OSMR: variants seen among roughly 807,000 people sequenced by gnomAD.
OSMR encodes oncostatin M receptor.
Under a neutral mutation model 99.9 loss-of-function variants are expected in OSMR, and 81 were observed. The observed-to-expected ratio is 0.81, with a 90% CI of 0.68 to 0.97. OSMR has a LOEUF of 0.97. OSMR is among the 50% of genes least tolerant of loss of function. OSMR has a pLI of 0.00. For missense variants in OSMR, 1,099 were observed against 1,153.4 expected (o/e 0.95, Z 0.68); for synonymous variants, 406 against 410.4 (o/e 0.99, Z 0.13).
intron 9 of OSMR, among the ~76,000 whole-genome samples, chr5:38,913,290 CT>C (rs1334914744): frequency 6.6e-6 from 1 of 152,044 alleles, no homozygotes; most frequent in African/African-American, 2.4e-5. Context: ...TGGCTCATGC[CT>C]GTAATCCCAG....
At chr5:38,852,453 A>G (rs1436535774) in intron 1 of OSMR, among the ~76,000 whole-genome samples, 1 of 152,174 alleles carries the variant, frequency 6.6e-6, no homozygotes, top group East Asian at 1.9e-4. Context: ...ACTCTTACCA[A>G]TGTGAGGTAT....
chr5:38,923,350 C>T (rs375576593), intron 13 of OSMR, 96 bp downstream of exon 13: 1 of 782,224 alleles, frequency 1.3e-6, no homozygotes. Flanking sequence ...CAGCACCATA[C>T]CCAACTTTTG....
Position 38,886,197 on chromosome 5 carries a change from C to A in OSMR, c.991+7C>A. The A allele has an allele frequency of 6.2e-7, 1 of 1,614,024 alleles. No homozygotes were observed. Among genetic ancestry groups the A allele is most frequent in the Non-Finnish European group, 8.5e-7 (1 of 1,179,928 alleles). ...TTTAACCTGACTCATCGAGGTGAGA[C>A]TAGAGTTGTCACAGCCCACCGTGGC... is the stretch of plus-strand genomic sequence containing the variant. On this transcript the variant is annotated splice_region_variant and intron_variant, in intron 7 of 17. Coordinates refer to ENST00000274276, the MANE Select transcript of OSMR (RefSeq NM_003999.3).
intron 9 of OSMR, among the ~76,000 whole-genome samples, chr5:38,912,214 A>G (rs1745633402): frequency 6.6e-6 from 1 of 152,210 alleles, no homozygotes; most frequent in Admixed American, 6.5e-5. Context: ...ATTAAAAGAA[A>G]AAAGTCAGCA....
At chr5:38,901,837 T>C (rs1356433651) in intron 7 of OSMR, among the ~76,000 whole-genome samples, 1 of 152,212 alleles carries the variant, frequency 6.6e-6, no homozygotes, top group Non-Finnish European at 1.5e-5. Flanking sequence ...GTGGGTTTGC[T>C]GGTCAATTTG....
chr5:38,884,015 G>C lies in OSMR; in HGVS notation c.607G>C (p.Val203Leu), dbSNP rs759334894. 4 of 1,613,516 alleles carry C rather than the reference G, an allele frequency of 2.5e-6. No homozygotes were observed. The highest frequency in any genetic ancestry group is 3.4e-6 in the Non-Finnish European group (4 of 1,179,430). Residue 203 changes from valine (V) to leucine (L), a missense_variant, in exon 5 of 18, where the codon GTG becomes CTG. Coordinates refer to ENST00000274276, the MANE Select transcript of OSMR (RefSeq NM_003999.3). ...PHVTAFNLNSVPFIRNKGTNI... is the reference protein window; with the variant it reads ...PHVTAFNLNSLPFIRNKGTNI... ...TGTAACTGCATTCAACTTGAATAGT[G>C]TGCCTTTCATTAGGAATAAAGGGAC... is the stretch of plus-strand genomic sequence containing the variant.
Position 38,869,505 on chromosome 5 carries a change from T to C in OSMR, c.73+388T>C, listed in dbSNP as rs73075347. 6.9e-3 allele frequency among the ~76,000 whole-genome samples: 1,056 copies of C among 152,378 alleles called. 10 individuals carry two copies. Among genetic ancestry groups the C allele is most frequent in the African/African-American group, 0.022 (932 of 41,592 alleles). Reference sequence around the variant, plus strand: ...ACACCAGTGCTGACCTCTAGGTTAGTACAAGTTTTTATGTCCCTCAACTAT... The same window carrying C: ...ACACCAGTGCTGACCTCTAGGTTAGCACAAGTTTTTATGTCCCTCAACTAT... On this transcript the variant is annotated intron_variant, in intron 2 of 17. Coordinates refer to ENST00000274276, the MANE Select transcript of OSMR (RefSeq NM_003999.3).
rs182302773 is a variant in OSMR at position 38,910,418 on chromosome 5, T to C, written c.1285+5915T>C. Among the ~76,000 whole-genome samples the C allele has an allele frequency of 3.3e-3, 497 of 152,322 alleles. 5 individuals are homozygous for C. The highest frequency in any genetic ancestry group is 0.011 in the African/African-American group (460 of 41,552). On this transcript the variant is annotated intron_variant, in intron 9 of 17. Coordinates refer to ENST00000274276, the MANE Select transcript of OSMR (RefSeq NM_003999.3). ...CCAAAACAAATATACATTATTCTCA[T>C]CTGCACATGGCATATACTCTAAAAC...
intron 15 of OSMR, among the ~76,000 whole-genome samples, chr5:38,927,654 G>A (rs1746532994): frequency 6.6e-6 from 1 of 152,184 alleles, no homozygotes; most frequent in African/African-American, 2.4e-5. Flanking sequence ...CCTGTGATGG[G>A]AGGGGTGGCC....
intron 10 of OSMR, 68 bp downstream of exon 10, chr5:38,917,690 T>C (rs1745989197): frequency 7.8e-7 from 1 of 1,285,258 alleles, no homozygotes; most frequent in Admixed American, 1.7e-5. Flanking sequence ...AAATGTGTCT[T>C]CCTCTGGAGA....
chr5:38,909,913 A>G (rs781433115), intron 9 of OSMR, among the ~76,000 whole-genome samples: 7 of 152,230 alleles, frequency 4.6e-5, no homozygotes, highest in African/African-American at 1.2e-4. Context: ...ACATGCCCCA[A>G]TTAAAAGGCA....
chr5:38,918,971 C>T lies in OSMR; in HGVS notation c.1494C>T (p.Asp498=). 6.2e-7 allele frequency: 1 copy of T among 1,614,154 alleles called. No individual in the cohort carries two copies. The highest frequency in any genetic ancestry group is 8.5e-7 in the Non-Finnish European group (1 of 1,180,002). Residue 498 remains aspartate, a synonymous_variant, in exon 11 of 18, where the codon GAC becomes GAT. Transcript: ENST00000274276. ...CCAACAGCACAAAACTAATCCTTGA[C>T]AGGTGTTCCTACCAAATCTGCGTCA... is the stretch of plus-strand genomic sequence containing the variant. The part of the protein sequence containing the change: ...APANSTKLIL[D]RCSYQICVIA...
chr5:38,892,529 AG>A (rs1744226365), intron 7 of OSMR, among the ~76,000 whole-genome samples: 1 of 152,192 alleles, frequency 6.6e-6, no homozygotes, highest in Non-Finnish European at 1.5e-5. Context: ...GCCTGAGATT[AG>A]GCTGACTCAA....
chr5:38,945,364 T>C (rs1748073288), downstream of OSMR: 4 of 661,736 alleles, frequency 6.0e-6, no homozygotes, highest in Non-Finnish European at 1.0e-5. Context: ...TAATTTGGCA[T>C]ATCAGTGTGC....
chr5:38,905,023 T>C (rs1184199020), intron 9 of OSMR, among the ~76,000 whole-genome samples: 1 of 152,184 alleles, frequency 6.6e-6, no homozygotes, highest in Admixed American at 6.5e-5. Context: ...TCCTGCTAAA[T>C]AACTATGTCT....
chr5:38,876,112 A>C, intron 2 of OSMR, 89 bp from the exon 3 acceptor site: 1 of 1,560,662 alleles, frequency 6.4e-7, no homozygotes, highest in South Asian at 1.2e-5. Context: ...CCAGAGCTAA[A>C]TAATGATGAT....
chr5:38,940,946 A>T (rs1012627253), intron 1 of OSMR: 6 of 232,516 alleles, frequency 2.6e-5, no homozygotes, highest in Non-Finnish European at 5.1e-5. Flanking sequence ...CAAATGAATT[A>T]AAAAAGAATC....
rs747618715 is a variant in OSMR, at chr5:38,932,366, G to T, written c.2295-97G>T. On this transcript the variant is annotated intron_variant, in intron 16 of 17. Transcript: ENST00000274276. ...AGTAACTTGCTTAATAAGTTACAAC[G>T]CAAGGATTAGAAGCCAGGAATCTGA... The T allele has an allele frequency of 1.5e-5, 13 of 869,872 alleles. No homozygotes were observed. The African/African-American group carries it at 2.2e-4, about 14-fold the overall frequency. 53.9% of individuals were successfully genotyped at this position (869,872 alleles called of 1,614,324 possible). A position where few individuals can be genotyped will look rare whatever the true frequency, so the allele number is the denominator to read the frequency against.
chr5:38,872,424 A>T (rs886949604), intron 2 of OSMR, among the ~76,000 whole-genome samples: 6 of 152,208 alleles, frequency 3.9e-5, no homozygotes, highest in African/African-American at 1.2e-4. Flanking sequence ...GAGCTGAGTA[A>T]GGCTGAGTCT....
Sources: gnomAD v4.1 joint callset for allele counts (sites outside exome capture counted in the v4.1 genomes callset) on GRCh38, gnomAD v4.1.1 for gene constraint, MANE v1.5 for transcripts, NCBI Gene and HGNC (gene_info 2026-07-23, HGNC 2026-07-21) for gene names.